The following TWIST2 variants were observed in gnomAD, a reference collection of about 807,000 sequenced individuals.
The protein encoded by TWIST2 is twist family bHLH transcription factor 2, also known as twist-related protein 2.
Under a neutral mutation model 11.6 loss-of-function variants are expected in TWIST2, and 1 was observed. The ratio of observed to expected loss-of-function variants is 0.09; its 90% CI spans 0.03 to 0.41. The LOEUF is 0.41. Among genes scored for constraint, TWIST2 ranks in the 10% least tolerant of loss-of-function variants. The probability of loss-of-function intolerance (pLI) is 0.98; values close to 1 mark genes in which losing one functional copy is unlikely to be tolerated. For synonymous variants in TWIST2, 87 were observed against 96.6 expected (o/e 0.90, Z 0.58); for missense variants, 168 against 226.4 (o/e 0.74, Z 1.66).
At chr2:238,897,891 C>G (rs1693224030) in intron 1 of TWIST2, among the ~76,000 whole-genome samples, 1 of 152,218 alleles carries the variant, frequency 6.6e-6, no homozygotes, top group South Asian at 2.1e-4. Context: ...TTCAGCAGAG[C>G]AGGAGGGACT....
chr2:238,862,075 C>T (rs753310630), intron 1 of TWIST2, among the ~76,000 whole-genome samples: 1 of 152,218 alleles, frequency 6.6e-6, no homozygotes, highest in African/African-American at 2.4e-5. Flanking sequence ...CACAACCACA[C>T]GTGGACGGAA....
At chr2:238,905,707 C>T (rs1693331050) in intron 1 of TWIST2, among the ~76,000 whole-genome samples, 1 of 152,146 alleles carries the variant, frequency 6.6e-6, no homozygotes, top group South Asian at 2.1e-4. Flanking sequence ...TTCCATTTAG[C>T]TTTCTCTACC....
intron 1 of TWIST2, among the ~76,000 whole-genome samples, chr2:238,872,526 G>T (rs1029938750): frequency 2.7e-4 from 41 of 152,214 alleles, no homozygotes; most frequent in Non-Finnish European, 3.2e-4. Context: ...CCAACGCTGT[G>T]CAGGGAAGGG....
chr2:238,865,625 T>C (rs1039686199), intron 1 of TWIST2, among the ~76,000 whole-genome samples: 3 of 152,096 alleles, frequency 2.0e-5, no homozygotes, highest in Non-Finnish European at 2.9e-5. Context: ...CCCAGCCACA[T>C]GCCTGCAGGT....
intron 1 of TWIST2, among the ~76,000 whole-genome samples, chr2:238,856,852 C>G (rs1346371668): frequency 6.6e-6 from 1 of 152,162 alleles, no homozygotes; most frequent in Non-Finnish European, 1.5e-5. Flanking sequence ...CACACTGCTG[C>G]AATAGTGCCA....
chr2:238,870,938 A>C (rs1322152517), intron 1 of TWIST2, among the ~76,000 whole-genome samples: 6 of 17,014 alleles, frequency 3.5e-4, no homozygotes, highest in African/African-American at 5.3e-4. Context: ...CCCCACACAT[A>C]CCCCCCAAAC....
intron 1 of TWIST2, among the ~76,000 whole-genome samples, chr2:238,909,438 G>A (rs1693415597): frequency 6.6e-6 from 1 of 152,118 alleles, no homozygotes; most frequent in African/African-American, 2.4e-5. Context: ...CAGCTCCCTC[G>A]GGCCTGCACG....
chr2:238,885,343 G>A (rs1693014507), intron 1 of TWIST2, among the ~76,000 whole-genome samples: 1 of 152,224 alleles, frequency 6.6e-6, no homozygotes, highest in Non-Finnish European at 1.5e-5. Flanking sequence ...GCTTTATTTA[G>A]TCCAGGCAAA....
At chr2:238,857,945 C>T (rs1028023664) in intron 1 of TWIST2, among the ~76,000 whole-genome samples, 9 of 152,088 alleles carry the variant, frequency 5.9e-5, no homozygotes, top group African/African-American at 2.2e-4. Flanking sequence ...TCAAAACAAA[C>T]AAACAAACAA....
chr2:238,885,037 C>T (rs913400242), intron 1 of TWIST2, among the ~76,000 whole-genome samples: 15 of 152,346 alleles, frequency 9.8e-5, no homozygotes, highest in African/African-American at 3.1e-4. Context: ...AAGCCTGGAG[C>T]GGGTGGGGGT....
chr2:238,856,561 A>T (rs924307860), intron 1 of TWIST2, among the ~76,000 whole-genome samples: 2 of 152,210 alleles, frequency 1.3e-5, no homozygotes, highest in African/African-American at 4.8e-5. Flanking sequence ...ACAAAATAAA[A>T]GAGAAGGTTA....
intron 1 of TWIST2, among the ~76,000 whole-genome samples, chr2:238,902,353 G>T (rs1250082999): frequency 2.7e-5 from 4 of 150,570 alleles, no homozygotes; most frequent in African/African-American, 7.3e-5. Context: ...TTGGGTTTGT[G>T]TGAATCGGAG....
In TWIST2 at chr2:238,910,061, A is replaced by C. The variant is rs1316958593; in HGVS notation, c.*255A>C. ...CAGCCCTCTTGCTGGTGACATTGTCATGGTCATCTTGTTTCTGTTTGGATT... is the reference window on the plus strand; with the variant it reads ...CAGCCCTCTTGCTGGTGACATTGTCCTGGTCATCTTGTTTCTGTTTGGATT... On this transcript the variant is annotated 3_prime_UTR_variant, in exon 2 of 2. Coordinates refer to ENST00000612363, the MANE Select transcript of TWIST2 (RefSeq NM_001271893.4). 2 of 152,058 alleles carry C rather than the reference A, an allele frequency of 1.3e-5. No homozygotes were observed. The highest frequency in any genetic ancestry group is 3.9e-4 in the East Asian group (2 of 5,164). 9.4% of individuals were successfully genotyped at this position (152,058 alleles called of 1,614,324 possible).
chr2:238,905,737 T>C (rs1693331453), intron 1 of TWIST2, among the ~76,000 whole-genome samples: 2 of 152,102 alleles, frequency 1.3e-5, no homozygotes, highest in African/African-American at 4.8e-5. Context: ...TTATTAATTA[T>C]CTAATTACAA....
At chr2:238,855,240 T>C (rs546900692) in intron 1 of TWIST2, among the ~76,000 whole-genome samples, 1 of 152,274 alleles carries the variant, frequency 6.6e-6, no homozygotes, top group Admixed American at 6.5e-5. Flanking sequence ...ATCATTTCTT[T>C]GGGAAATGCC....
intron 1 of TWIST2, among the ~76,000 whole-genome samples, chr2:238,882,351 A>T (rs1385405697): frequency 1.3e-5 from 2 of 151,766 alleles, no homozygotes; most frequent in African/African-American, 2.4e-5. Context: ...TGGACCCAAA[A>T]CCTCTGAGAC....
At chr2:238,865,261 T>A (rs965403645) in intron 1 of TWIST2, among the ~76,000 whole-genome samples, 7 of 152,114 alleles carry the variant, frequency 4.6e-5, no homozygotes, top group Admixed American at 6.5e-5. Flanking sequence ...ATCTAAAAAA[T>A]GAGATTTTTC....
At chr2:238,850,710 G>C (rs1171225071) in intron 1 of TWIST2, among the ~76,000 whole-genome samples, 2 of 152,168 alleles carry the variant, frequency 1.3e-5, no homozygotes, top group Non-Finnish European at 2.9e-5. Context: ...AGTGCCAAGA[G>C]CTTGTTTGGA....
chr2:238,903,315 T>C (rs1693301554), intron 1 of TWIST2, among the ~76,000 whole-genome samples: 1 of 137,004 alleles, frequency 7.3e-6, no homozygotes, highest in Non-Finnish European at 1.6e-5. Flanking sequence ...ATGTGTGATA[T>C]AGTGTGTGTG....
Sources: gnomAD v4.1 joint callset for allele counts (sites outside exome capture counted in the v4.1 genomes callset) on GRCh38, gnomAD v4.1.1 for gene constraint, MANE v1.5 for transcripts, NCBI Gene and HGNC (gene_info 2026-07-23, HGNC 2026-07-21) for gene names.